The following EVI5 variants were observed in gnomAD, a reference collection of about 807,000 sequenced individuals.
The protein encoded by EVI5 is ecotropic viral integration site 5 protein homolog.
A neutral mutation model predicts 112.0 loss-of-function variants in EVI5; 73 were observed. The observed-to-expected ratio is 0.65, with a 90% CI of 0.54 to 0.79. The LOEUF is 0.79. Ranked by LOEUF, EVI5 falls within the 30% of genes least tolerant of loss-of-function variation. EVI5 has a pLI of 0.00. For synonymous variants in EVI5, 305 were observed against 319.9 expected (o/e 0.95, Z 0.50); for missense variants, 900 against 968.8 (o/e 0.93, Z 0.94).
Position 92,576,020 on chromosome 1 carries a change from T to C in EVI5, c.2071-12283A>G, listed in dbSNP as rs78232152. On this transcript the variant is annotated intron_variant, in intron 18 of 19. Transcript: ENST00000684568. ...TTTTATTCCTTGTTCCCAAACCAAA[T>C]AGGCAGCAGAGTAAACTAATACAAT... Among the ~76,000 whole-genome samples the C allele has an allele frequency of 2.0e-3, 305 of 152,286 alleles. 2 individuals are homozygous for C. The East Asian group carries it at 0.022, about 11-fold the overall frequency.
intron 19 of EVI5, among the ~76,000 whole-genome samples, chr1:92,520,964 C>CTTT (rs375289358): frequency 7.0e-6 from 1 of 142,276 alleles, no homozygotes; most frequent in Non-Finnish European, 1.5e-5. Context: ...GCTGCTTCTT[C>CTTT]TTTTTTTTTT....
chr1:92,556,892 C>T (rs1275219939), intron 19 of EVI5, among the ~76,000 whole-genome samples: 3 of 151,882 alleles, frequency 2.0e-5, no homozygotes, highest in East Asian at 3.9e-4. Context: ...TCACTGCAAC[C>T]TCAAACTCCT....
intron 16 of EVI5, among the ~76,000 whole-genome samples, chr1:92,614,840 TTATATATATATATATATATATA>T (rs561640520): frequency 1.6e-4 from 2 of 12,612 alleles, no homozygotes; most frequent in African/African-American, 4.3e-4. Context: ...ATGTTATATT[TTATATATATATATATATATATA>T]TATATATATA....
intron 18 of EVI5, among the ~76,000 whole-genome samples, chr1:92,591,200 A>T (rs1571752769): frequency 1.3e-5 from 2 of 152,252 alleles, no homozygotes; most frequent in African/African-American, 4.8e-5. Flanking sequence ...AAGAAACTGC[A>T]TCAACTAACG....
intron 19 of EVI5, among the ~76,000 whole-genome samples, chr1:92,524,629 G>A (rs1346455254): frequency 6.6e-6 from 1 of 152,046 alleles, no homozygotes; most frequent in Non-Finnish European, 1.5e-5. Context: ...AACAATCACA[G>A]TCTACACTTG....
chr1:92,537,512 T>C (rs182832974), intron 19 of EVI5, among the ~76,000 whole-genome samples: 77 of 152,314 alleles, frequency 5.1e-4, no homozygotes, highest in Admixed American at 2.2e-3. Flanking sequence ...GTAATTTTGT[T>C]GGATTCCTTA....
chr1:92,718,857 GA>G (rs1674246244), intron 2 of EVI5, among the ~76,000 whole-genome samples: 1 of 151,884 alleles, frequency 6.6e-6, no homozygotes, highest in Admixed American at 6.6e-5. Flanking sequence ...AAAATTATAA[GA>G]GGGATATCAC....
intron 19 of EVI5, among the ~76,000 whole-genome samples, chr1:92,532,470 A>G (rs892930407): frequency 2.0e-5 from 3 of 152,194 alleles, no homozygotes; most frequent in Admixed American, 1.3e-4. Flanking sequence ...ACTCCAAATC[A>G]ACAGAATATA....
chr1:92,785,116 A>C (rs891983412), upstream of EVI5: 76 of 985,210 alleles, frequency 7.7e-5, no homozygotes, highest in Non-Finnish European at 8.9e-5. Context: ...CCCAAGGCGC[A>C]GGCGCGGGAG....
At chr1:92,780,231 T>A (rs2103095744) in intron 1 of EVI5, among the ~76,000 whole-genome samples, 2 of 152,346 alleles carry the variant, frequency 1.3e-5, no homozygotes, top group East Asian at 3.9e-4. Flanking sequence ...GTTGTAAGTT[T>A]CCTGATGCCT....
intron 16 of EVI5, 103 bp downstream of exon 16, chr1:92,624,073 A>C: frequency 9.5e-7 from 1 of 1,055,806 alleles, no homozygotes; most frequent in Non-Finnish European, 1.4e-6. Context: ...ATACAGCTTC[A>C]TATCTTTACC....
chr1:92,595,819 A>T (rs977686167), intron 18 of EVI5, among the ~76,000 whole-genome samples: 1 of 152,188 alleles, frequency 6.6e-6, no homozygotes, highest in Admixed American at 6.5e-5. Flanking sequence ...CAACTGAAAA[A>T]TTTTAAGTAA....
At chr1:92,748,241 T>C (rs1226345155) in intron 1 of EVI5, among the ~76,000 whole-genome samples, 3 of 152,158 alleles carry the variant, frequency 2.0e-5, no homozygotes, top group Non-Finnish European at 4.4e-5. Context: ...CTGGCTACCA[T>C]GCTTTCAAGA....
intron 18 of EVI5, among the ~76,000 whole-genome samples, chr1:92,594,060 G>T (rs1370269280): frequency 6.6e-6 from 1 of 151,958 alleles, no homozygotes; most frequent in Non-Finnish European, 1.5e-5. Context: ...CACAGAACTG[G>T]AAAAAACTAA....
rs186548234 is a variant in EVI5, at chr1:92,660,521, T to G, written c.1392+2198A>C. On this transcript the variant is annotated intron_variant, in intron 13 of 19. Transcript: ENST00000684568. ...TCTGGTGTTACATTGCACAGTAGAGTGACTATAGTTAACAATAACGTATTG... is the reference window on the plus strand; with the variant it reads ...TCTGGTGTTACATTGCACAGTAGAGGGACTATAGTTAACAATAACGTATTG... 6.6e-5 allele frequency among the ~76,000 whole-genome samples: 10 copies of G among 152,056 alleles called. No homozygotes were observed. The East Asian group carries it at 1.9e-3, about 29-fold the overall frequency.
Position 92,513,765 on chromosome 1 carries a change from C to G in EVI5, c.2372G>C (p.Gly791Ala). ...ACTGTCTTCTGTTTCGCTCTCACTACCATCTGCCACTGCGGGGTCCAAAGA... is the reference window on the plus strand; with the variant it reads ...ACTGTCTTCTGTTTCGCTCTCACTAGCATCTGCCACTGCGGGGTCCAAAGA... ...SMSLDPAVAD[G>A]SESETEDSVL... is the part of the protein sequence containing the mutation. Residue 791 changes from glycine (G) to alanine (A), a missense_variant, in exon 20 of 20, where the codon GGT (glycine) becomes GCT (alanine). Physicochemically the swap from Gly to Ala is moderately conservative, Grantham distance 60. Coordinates refer to ENST00000684568, the MANE Select transcript of EVI5 (RefSeq NM_001350197.2). The G allele has an allele frequency of 6.2e-7, 1 of 1,613,722 alleles. No homozygotes were observed.
chr1:92,612,727 A>AAAG (rs1652155534), intron 16 of EVI5, among the ~76,000 whole-genome samples: 6 of 52,662 alleles, frequency 1.1e-4, no homozygotes, highest in East Asian at 1.2e-3. Context: ...AAAAAAAAGG[A>AAAG]AAAAAAAAAA....
intron 19 of EVI5, among the ~76,000 whole-genome samples, chr1:92,528,074 C>T (rs1194562958): frequency 6.6e-6 from 1 of 152,182 alleles, no homozygotes; most frequent in East Asian, 1.9e-4. Flanking sequence ...AGAACTTTTA[C>T]CTTACCTTCT....
chr1:92,590,804 G>A (rs139770783), intron 18 of EVI5, among the ~76,000 whole-genome samples: 3,964 of 152,156 alleles, frequency 0.026, 131 homozygotes, highest in African/African-American at 0.074. Context: ...TCCAAGACAC[G>A]TAATTGTCAG....
Sources: gnomAD v4.1 joint callset for allele counts (sites outside exome capture counted in the v4.1 genomes callset) on GRCh38, gnomAD v4.1.1 for gene constraint, MANE v1.5 for transcripts, NCBI Gene and HGNC (gene_info 2026-07-23, HGNC 2026-07-21) for gene names.